The following DPH1 variants were observed in gnomAD, a reference collection of about 807,000 sequenced individuals.
DPH1 encodes the protein diphthamide biosynthesis 1, also known as 2-(3-amino-3-carboxypropyl)histidine synthase subunit 1.
In DPH1, 59 loss-of-function variants were observed where a neutral mutation model predicts 55.3. The ratio of observed to expected loss-of-function variants is 1.07; its 90% CI spans 0.87 to 1.33. The LOEUF (loss-of-function observed/expected upper bound fraction) is 1.33, where lower values mean the gene tolerates loss of function less well. Ranked by LOEUF, DPH1 falls within the 40% of genes most tolerant of loss-of-function variation. The pLI, the probability that DPH1 is intolerant of heterozygous loss-of-function variation, is 0.00. For synonymous variants in DPH1, 238 were observed against 235.5 expected (o/e 1.01, Z -0.10); for missense variants, 628 against 584.8 (o/e 1.07, Z -0.76).
chr17:2,042,198 C>A (rs780857765), intron 12 of DPH1: 2 of 1,427,958 alleles, frequency 1.4e-6, no homozygotes, highest in South Asian at 2.9e-5. Context: ...GGTCCCCGAC[C>A]CCCCGGGCCC....
intron 1 of DPH1, among the ~76,000 whole-genome samples, chr17:2,030,690 T>C (rs1218673019): frequency 6.6e-6 from 1 of 152,214 alleles, no homozygotes; most frequent in East Asian, 1.9e-4. Context: ...TGGGGGAATG[T>C]TAATGTAAAC....
chr17:2,041,334 A>G, intron 10 of DPH1, 147 bp from the exon 11 acceptor site: 1 of 1,447,684 alleles, frequency 6.9e-7, no homozygotes, highest in Non-Finnish European at 9.4e-7. Context: ...CTAGCTGTGT[A>G]GCCTTAGGCA....
At chr17:2,033,074 T>G (rs1363015706) in intron 1 of DPH1, among the ~76,000 whole-genome samples, 1 of 152,132 alleles carries the variant, frequency 6.6e-6, no homozygotes, top group Non-Finnish European at 1.5e-5. Context: ...ATCTTTAAAG[T>G]GAATTAAGGG....
Position 2,041,339 on chromosome 17 carries a change from T to C in DPH1, c.1087-142T>C, listed in dbSNP as rs559446577. 2.3e-4 allele frequency: 332 copies of C among 1,456,962 alleles called. 1 individual carries two copies. Among genetic ancestry groups the C allele is most frequent in the Non-Finnish European group, 3.0e-4 (319 of 1,073,722 alleles). 90.3% of individuals were successfully genotyped at this position (1,456,962 alleles called of 1,614,324 possible). ...GAGTCACTTCCTAGCTGTGTAGCCTTAGGCAAGGCCCTGAACCACACAGTT... is the reference window on the plus strand; with the variant it reads ...GAGTCACTTCCTAGCTGTGTAGCCTCAGGCAAGGCCCTGAACCACACAGTT... On this transcript the variant is annotated intron_variant, in intron 10 of 12. Transcript: ENST00000263083.
intron 12 of DPH1, chr17:2,042,384 C>G (rs376617428): frequency 7.7e-7 from 1 of 1,291,270 alleles, no homozygotes. Context: ...CCTCTTTGCT[C>G]AAACTGCAGC....
In DPH1 at chr17:2,039,478, C is replaced by T. The variant is rs183000646; in HGVS notation, c.681-277C>T. The T allele has an allele frequency of 1.8e-3, 659 of 362,858 alleles. 5 individuals carry two copies. Among genetic ancestry groups the T allele is most frequent in the African/African-American group, 0.013 (593 of 47,028 alleles). 22.5% of individuals were successfully genotyped at this position (362,858 alleles called of 1,614,324 possible). On this transcript the variant is annotated intron_variant, in intron 6 of 12. Coordinates refer to ENST00000263083, the MANE Select transcript of DPH1 (RefSeq NM_001383.6). ...CTGCAAGCTACGCCTCCCGGGTTCACGCCATTCTCCTGCCTCAGCCTCCCG... is the reference window on the plus strand; with the variant it reads ...CTGCAAGCTACGCCTCCCGGGTTCATGCCATTCTCCTGCCTCAGCCTCCCG...
At chr17:2,038,926 A>C (rs548240300) in intron 6 of DPH1, 1 of 152,288 alleles carries the variant, frequency 6.6e-6, no homozygotes, top group Non-Finnish European at 1.5e-5. Context: ...CATTATGTAA[A>C]TAGAGGGACC....
At chr17:2,041,737 G>T in intron 11 of DPH1, 31 bp from the exon 12 acceptor site, 1 of 1,590,922 alleles carries the variant, frequency 6.3e-7, no homozygotes, top group Non-Finnish European at 8.6e-7. Flanking sequence ...GGTCGCAGGA[G>T]CGAGACCCTA....
chr17:2,040,111 C>A, intron 7 of DPH1, 107 bp from the exon 8 acceptor site: 1 of 1,455,542 alleles, frequency 6.9e-7, no homozygotes, highest in Non-Finnish European at 9.3e-7. Context: ...TAATTACCTG[C>A]GTGGGGCCTA....
chr17:2,040,689 G>A lies in DPH1; in HGVS notation c.1007+84G>A. Reference sequence around the variant, plus strand: ...CTCGTCTTGAAGGCTGGAGCCAACAGGAATTGCTTCCATGGTCATGGAATT... The same window carrying A: ...CTCGTCTTGAAGGCTGGAGCCAACAAGAATTGCTTCCATGGTCATGGAATT... On this transcript the variant is annotated intron_variant, in intron 9 of 12. Transcript: ENST00000263083. 4 of 1,465,630 alleles carry A rather than the reference G, an allele frequency of 2.7e-6. No individual in the cohort carries two copies. The South Asian group carries it at 4.6e-5, about 17-fold the overall frequency. The allele number at this position is 1,465,630 out of a possible 1,614,324, so 90.8% of individuals were successfully genotyped here.
Position 2,036,091 on chromosome 17 carries a change from A to C in DPH1, c.400A>C (p.Ile134Leu). 1 of 1,613,778 alleles carries C rather than the reference A, an allele frequency of 6.2e-7. No individual in the cohort carries two copies. The highest frequency in any genetic ancestry group is 8.5e-7 in the Non-Finnish European group (1 of 1,179,872). The change falls in exon 4 of 13, where the codon ATT becomes CTT. Residue 134 changes from isoleucine (I) to leucine (L), a missense_variant and splice_region_variant. Physicochemically the swap from Ile to Leu is conservative, Grantham distance 5. Transcript: ENST00000263083. This position sits in a 1 kb window ranked among gnomAD's most constrained non-coding sequence, Gnocchi z 4.8. ...FLVHYGHSCL[I>L]PMDTSAQDFR... is the part of the protein sequence containing the mutation. ...GGTGCACTACGGCCACAGTTGCCTG[A>C]GTATGGTGGGGCCAGGACACCTGGA...
intron 12 of DPH1, chr17:2,042,340 C>T: frequency 7.4e-7 from 1 of 1,356,968 alleles, no homozygotes; most frequent in Non-Finnish European, 9.5e-7. Flanking sequence ...TTCCTCCCAC[C>T]CAGTCCACAC....
intron 1 of DPH1, among the ~76,000 whole-genome samples, chr17:2,031,588 A>AAG (rs2067333131): frequency 7.0e-6 from 1 of 143,484 alleles, no homozygotes; most frequent in Non-Finnish European, 1.5e-5. Flanking sequence ...AAAAAAAAAA[A>AAG]TTAGCCCTGC....
In DPH1 at chr17:2,041,839, G is replaced by A; in HGVS notation, c.1299G>A (p.Val433=). 6.2e-7 allele frequency: 1 copy of A among 1,600,936 alleles called. No homozygotes were observed. The highest frequency in any genetic ancestry group is 8.5e-7 in the Non-Finnish European group (1 of 1,175,460). Residue 433 remains valine, a synonymous_variant, in exon 12 of 13, where the codon GTG becomes GTA. Transcript: ENST00000263083. ...ACTGCAGCTGCAGGGACGAGAAGGT[G>A]GCGCCGCTGGCTCCTTGACGCGCTC... ...CEDCSCRDEK[V]APLAP
intron 6 of DPH1, chr17:2,039,535 A>C (rs944354562): frequency 8.2e-6 from 4 of 487,802 alleles, no homozygotes; most frequent in Admixed American, 3.3e-5. Context: ...CCGTCACCAC[A>C]CCCAGCTAAG....
chr17:2,033,356 A>G, intron 1 of DPH1, 149 bp from the exon 2 acceptor site: 1 of 1,149,616 alleles, frequency 8.7e-7, no homozygotes, highest in Non-Finnish European at 1.2e-6. Context: ...GCTAGCTAAG[A>G]TGCCTGGGAT....
chr17:2,042,086 G>A (rs767611816), intron 12 of DPH1: 11 of 1,566,754 alleles, frequency 7.0e-6, no homozygotes, highest in Middle Eastern at 2.0e-4. Context: ...TGTGCCTGGC[G>A]GGCTTCCGGC....
At chr17:2,035,625 G>A (rs2067411155) in intron 3 of DPH1, among the ~76,000 whole-genome samples, 1 of 152,086 alleles carries the variant, frequency 6.6e-6, no homozygotes. Context: ...CTTTGGGTGT[G>A]TGTGCGTGCT....
At position 2,030,191 on chromosome 17, in the gene DPH1, G is replaced by C. The variant is rs776821196; in HGVS notation, c.22G>C (p.Gly8Arg). 41 of 1,602,492 alleles carry C rather than the reference G, an allele frequency of 2.6e-5. No homozygotes were observed. The highest frequency in any genetic ancestry group is 1.7e-4 in the Middle Eastern group (1 of 6,032). The change falls in exon 1 of 13, where the codon GGG (glycine) becomes CGG (arginine). Residue 8 changes from glycine (G) to arginine (R), a missense_variant. Transcript: ENST00000263083. MAALVVS[G>R]AAEQGGRDGP... Reference sequence around the variant, plus strand: ...GGTGATGGCGGCGCTGGTCGTATCCGGGGCAGCGGAGCAGGGCGGCCGAGA... The same window carrying C: ...GGTGATGGCGGCGCTGGTCGTATCCCGGGCAGCGGAGCAGGGCGGCCGAGA...
Sources: gnomAD v4.1 joint callset for allele counts (sites outside exome capture counted in the v4.1 genomes callset) on GRCh38, gnomAD v4.1.1 for gene constraint, Gnocchi (gnomAD v3.1) non-coding constraint, MANE v1.5 for transcripts, NCBI Gene and HGNC (gene_info 2026-07-23, HGNC 2026-07-21) for gene names.